Variants in SPATC1 observed in about 807,000 individuals in gnomAD.
The protein encoded by SPATC1 is speriolin.
In SPATC1, 35 loss-of-function variants were observed where a neutral mutation model predicts 36.5. The ratio of observed to expected loss-of-function variants is 0.96; its 90% CI spans 0.73 to 1.27. SPATC1 has a LOEUF of 1.27. Ranked by LOEUF, SPATC1 falls within the 50% of genes most tolerant of loss-of-function variation. SPATC1 has a pLI of 0.00. For synonymous variants in SPATC1, 361 were observed against 353.6 expected (o/e 1.02, Z -0.24); for missense variants, 779 against 796.0 (o/e 0.98, Z 0.26).
chr8:144,034,912 C>T lies in SPATC1; in HGVS notation c.212-4997C>T, dbSNP rs1008969461. Among the ~76,000 whole-genome samples the T allele has an allele frequency of 7.9e-5, 12 of 152,168 alleles. No individual in the cohort carries two copies. The South Asian group carries it at 8.3e-4, about 11-fold the overall frequency. ...CTGGGATTACAGGTGTGAAACACTG[C>T]GCCTGGCAACTCTCAGCTTTTAATC... On this transcript the variant is annotated intron_variant, in intron 1 of 4. Coordinates refer to ENST00000377470, the MANE Select transcript of SPATC1 (RefSeq NM_198572.3).
chr8:144,041,481 G>A, intron 4 of SPATC1, 110 bp downstream of exon 4: 1 of 1,394,724 alleles, frequency 7.2e-7, no homozygotes, highest in Admixed American at 2.2e-5. Flanking sequence ...GGAGTCCCTG[G>A]GATAGAGGAA....
chr8:144,013,335 C>T (rs1554752717), intron 1 of SPATC1, among the ~76,000 whole-genome samples: 1 of 152,140 alleles, frequency 6.6e-6, no homozygotes, highest in Non-Finnish European at 1.5e-5. Flanking sequence ...GTACCCACAG[C>T]GCAGCTTCAA....
At chr8:144,018,540 C>T (rs1198125898) in intron 1 of SPATC1, among the ~76,000 whole-genome samples, 2 of 151,904 alleles carry the variant, frequency 1.3e-5, no homozygotes, top group African/African-American at 4.8e-5. Flanking sequence ...AAAAGAGGTA[C>T]ATTATGGGGT....
At chr8:144,030,808 G>T (rs1478400354) in intron 1 of SPATC1, among the ~76,000 whole-genome samples, 3 of 150,988 alleles carry the variant, frequency 2.0e-5, no homozygotes, top group Admixed American at 1.3e-4. Flanking sequence ...TTTTCTTAGT[G>T]GTTACCCTGG....
At chr8:144,026,752 G>A (rs1834685368) in intron 1 of SPATC1, among the ~76,000 whole-genome samples, 3 of 151,350 alleles carry the variant, frequency 2.0e-5, no homozygotes, top group Admixed American at 2.0e-4. Flanking sequence ...TATATCTTTT[G>A]AGAAATATCT....
chr8:144,038,894 T>C (rs1337073619), intron 1 of SPATC1, among the ~76,000 whole-genome samples: 1 of 152,128 alleles, frequency 6.6e-6, no homozygotes, highest in Non-Finnish European at 1.5e-5. Flanking sequence ...ACAGAGACCA[T>C]ATAGCTGGCA....
chr8:144,040,188 C>T lies in SPATC1; in HGVS notation c.491C>T (p.Thr164Ile), dbSNP rs782037615. ...TCCCTGGGCCTGCCCTCCACTGGCA[C>T]CCTGACTCCCAGCAGCCTCGTGGCA... ...ASSLGLPSTG[T>I]LTPSSLVAGP... Residue 164 changes from threonine (T) to isoleucine (I), a missense_variant, in exon 2 of 5, where the codon ACC becomes ATC. By Grantham distance (89) the Thr-to-Ile change is moderately conservative. Transcript: ENST00000377470. The T allele has an allele frequency of 8.7e-6, 14 of 1,611,940 alleles. No individual in the cohort carries two copies. In the South Asian group the frequency reaches 9.9e-5, roughly 11 times the overall value.
chr8:144,035,400 G>A (rs1400693831), intron 1 of SPATC1, among the ~76,000 whole-genome samples: 2 of 152,376 alleles, frequency 1.3e-5, no homozygotes, highest in South Asian at 2.1e-4. Flanking sequence ...ACATCAGACA[G>A]TAGACTGGCT....
chr8:144,042,311 ATTTT>A (rs1184651892), intron 4 of SPATC1, among the ~76,000 whole-genome samples: 26 of 23,874 alleles, frequency 1.1e-3, no homozygotes, highest in East Asian at 4.0e-3. Context: ...ATATATATAT[ATTTT>A]TTTTTTTTTT....
chr8:144,038,186 G>C (rs145496314), intron 1 of SPATC1, among the ~76,000 whole-genome samples: 4,844 of 150,342 alleles, frequency 0.032, 286 homozygotes, highest in African/African-American at 0.11. Context: ...TGTAATCCCA[G>C]TACTTTGGGA....
rs1554755897 is a variant in SPATC1, at chr8:144,040,981, T to C, written c.1180T>C (p.Ser394Pro). ...CGCCCACTCCCCACCTCGTACCTCA[T>C]CCTCCCCGGCTTCAGTCAATGACTC... ...HNAHSPPRTSSSPASVNDSRG... is the reference protein window; with the variant it reads ...HNAHSPPRTSPSPASVNDSRG... Residue 394 changes from serine (S) to proline (P), a missense_variant, in exon 3 of 5, where the codon TCC (serine) becomes CCC (proline). Ser to Pro is a moderately conservative substitution (Grantham distance 74). Transcript: ENST00000377470. 1 of 1,610,736 alleles carries C rather than the reference T, an allele frequency of 6.2e-7. No homozygotes were observed. The highest frequency in any genetic ancestry group is 1.1e-5 in the South Asian group (1 of 90,878).
At position 144,040,210 on chromosome 8, in the gene SPATC1, G is replaced by A. The variant is rs200558453; in HGVS notation, c.513G>A (p.Val171=). The change falls in exon 2 of 5, where the codon GTG becomes GTA. Residue 171 remains valine (V), a synonymous_variant. Transcript: ENST00000377470. ...GCACCCTGACTCCCAGCAGCCTCGT[G>A]GCAGGCCCTGTGGCCATGTCCCAGA... is the stretch of plus-strand genomic sequence containing the variant. ...STGTLTPSSL[V]AGPVAMSQSS... 1.0e-4 allele frequency: 162 copies of A among 1,612,566 alleles called. No homozygotes were observed. Among genetic ancestry groups the A allele is most frequent in the Non-Finnish European group, 2.3e-5 (27 of 1,179,840 alleles).
chr8:144,042,008 C>T, intron 4 of SPATC1: 1 of 984,948 alleles, frequency 1.0e-6, no homozygotes, highest in Non-Finnish European at 1.2e-6. Context: ...TGTCACCTGC[C>T]CAGGGTGAGC....
upstream of SPATC1, among the ~76,000 whole-genome samples, chr8:144,011,498 G>A (rs1195654594): frequency 1.3e-5 from 2 of 152,070 alleles, no homozygotes; most frequent in African/African-American, 2.4e-5. The surrounding 1 kb of genome is among the most constrained non-coding windows in gnomAD (Gnocchi z 4.5). Context: ...CCTGGACTTC[G>A]CTATCCTCTC....
rs1043014576 is a variant in SPATC1 at position 144,012,714 on chromosome 8, C to A, written c.199C>A (p.Arg67Ser). 138 of 1,551,558 alleles carry A rather than the reference C, an allele frequency of 8.9e-5. No individual in the cohort carries two copies. Among genetic ancestry groups the A allele is most frequent in the Non-Finnish European group, 1.2e-4 (136 of 1,146,988 alleles). Residue 67 changes from arginine to serine, a missense_variant, in exon 1 of 5, where the codon CGC becomes AGC. Arg to Ser is a moderately radical substitution (Grantham distance 110). Transcript: ENST00000377470. The stretch of plus-strand genomic sequence containing the variant: ...TGAGGCAACAGCAGGCCTTTCCTCA[C>A]GCCAGAACAATGGTAAGAGGCCTCG... The part of the protein sequence containing the change: ...LGEATAGLSS[R>S]QNNGVFLPPS...
At chr8:144,024,798 CACCCTCTTCCCTGAGG>C (rs1174305346) in intron 1 of SPATC1, among the ~76,000 whole-genome samples, 5 of 78,000 alleles carry the variant, frequency 6.4e-5, no homozygotes, top group Non-Finnish European at 1.3e-4. Flanking sequence ...CTCCCCTCAG[CACCCTCTTCCCTGAGG>C]ACCCTCTTCC....
intron 1 of SPATC1, among the ~76,000 whole-genome samples, chr8:144,024,142 C>T (rs1834621708): frequency 1.4e-5 from 2 of 147,756 alleles, no homozygotes; most frequent in African/African-American, 2.5e-5. Context: ...CATCCTACTT[C>T]TAGACCATCT....
At chr8:144,013,934 C>T (rs1185255668) in intron 1 of SPATC1, among the ~76,000 whole-genome samples, 9 of 151,936 alleles carry the variant, frequency 5.9e-5, no homozygotes, top group African/African-American at 2.2e-4. Flanking sequence ...CCAGCCTGGT[C>T]AACAGAGCGA....
Position 144,040,667 on chromosome 8 carries a change from C to A in SPATC1, c.866C>A (p.Ala289Asp), listed in dbSNP as rs1835057343. ...APLQTSTPIGAMGTPAPKTAF... is the reference protein window; with the variant it reads ...APLQTSTPIGDMGTPAPKTAF... ...CTCCAGACCTCCACCCCTATCGGAG[C>A]CATGGGCACACCTGCTCCCAAGACG... The change falls in exon 3 of 5, where the codon GCC becomes GAC. Residue 289 changes from alanine to aspartate, a missense_variant. By Grantham distance (126) the Ala-to-Asp change is moderately radical (BLOSUM62 -2). Coordinates refer to ENST00000377470, the MANE Select transcript of SPATC1 (RefSeq NM_198572.3). 6.2e-7 allele frequency: 1 copy of A among 1,613,776 alleles called. No individual in the cohort carries two copies. The highest frequency in any genetic ancestry group is 1.1e-5 in the South Asian group (1 of 91,066).
Sources: gnomAD v4.1 joint callset for allele counts (sites outside exome capture counted in the v4.1 genomes callset) on GRCh38, gnomAD v4.1.1 for gene constraint, Gnocchi (gnomAD v3.1) non-coding constraint, MANE v1.5 for transcripts, NCBI Gene and HGNC (gene_info 2026-07-23, HGNC 2026-07-21) for gene names.